PTCHD4: variants seen among roughly 807,000 people sequenced by gnomAD.
PTCHD4 encodes patched domain-containing protein 4.
Under a neutral mutation model 58.1 loss-of-function variants are expected in PTCHD4, and 33 were observed. The ratio of observed to expected loss-of-function variants is 0.57; its 90% CI spans 0.43 to 0.76. The LOEUF is 0.76. Among genes scored for constraint, PTCHD4 ranks in the 30% least tolerant of loss-of-function variants. The pLI, the probability that PTCHD4 is intolerant of heterozygous loss-of-function variation, is 0.00. For synonymous variants in PTCHD4, 478 were observed against 409.6 expected (o/e 1.17, Z -2.02); for missense variants, 1,058 against 1,027.1 (o/e 1.03, Z -0.41).
chr6:47,895,877 T>C (rs1052730026), intron 4 of PTCHD4, among the ~76,000 whole-genome samples: 1 of 152,096 alleles, frequency 6.6e-6, no homozygotes, highest in African/African-American at 2.4e-5. Flanking sequence ...ACTTTAACTT[T>C]TACTCAGATG....
At chr6:48,099,915 C>T (rs1298636550) in intron 1 of PTCHD4, among the ~76,000 whole-genome samples, 1 of 152,164 alleles carries the variant, frequency 6.6e-6, no homozygotes, top group Admixed American at 6.5e-5. Flanking sequence ...TGGAAATTCC[C>T]CATAAGCAAT....
chr6:47,982,638 G>A (rs1265298823), intron 4 of PTCHD4, among the ~76,000 whole-genome samples: 1 of 151,972 alleles, frequency 6.6e-6, no homozygotes, highest in Non-Finnish European at 1.5e-5. Context: ...ACAGGCGCCC[G>A]CCACCAGGCC....
intron 4 of PTCHD4, among the ~76,000 whole-genome samples, chr6:47,993,731 C>A (rs1233022776): frequency 6.6e-6 from 1 of 151,820 alleles, no homozygotes; most frequent in Non-Finnish European, 1.5e-5. Flanking sequence ...GACCTTAGGG[C>A]AGGACTTCAG....
intron 1 of PTCHD4, among the ~76,000 whole-genome samples, chr6:48,090,454 T>C (rs1765342718): frequency 6.6e-6 from 1 of 152,182 alleles, no homozygotes; most frequent in Admixed American, 6.6e-5. Context: ...ACAACAACAC[T>C]GTCAAGCAGA....
chr6:48,057,523 A>G (rs1393947670), intron 3 of PTCHD4, among the ~76,000 whole-genome samples: 1 of 152,218 alleles, frequency 6.6e-6, no homozygotes, highest in Non-Finnish European at 1.5e-5. Flanking sequence ...AGACTAAGGG[A>G]ACTACCTACC....
rs771443923 is a variant in PTCHD4, at chr6:47,858,701, G to C, written c.*19602C>G. 6.6e-6 allele frequency among the ~76,000 whole-genome samples: 1 copy of C among 152,010 alleles called. No individual in the cohort carries two copies. Among genetic ancestry groups the C allele is most frequent in the Non-Finnish European group, 1.5e-5 (1 of 67,968 alleles). ...TACACTGCACTAGCCATCTGAGTCA[G>C]AATTTCTGTGGGTGGAATAAATAAT... is the stretch of plus-strand genomic sequence containing the variant. On this transcript the variant is annotated 3_prime_UTR_variant, in exon 5 of 5. Transcript: ENST00000339488.
chr6:47,880,061 C>T, intron 4 of PTCHD4, 125 bp from the exon 5 acceptor site: 1 of 752,142 alleles, frequency 1.3e-6, no homozygotes, highest in Non-Finnish European at 2.0e-6. Context: ...CTGTGATCCT[C>T]CTATCAGGGC....
intron 3 of PTCHD4, among the ~76,000 whole-genome samples, chr6:48,026,478 C>T (rs1763249894): frequency 1.3e-5 from 2 of 152,080 alleles, no homozygotes; most frequent in Admixed American, 1.3e-4. Context: ...CCTTTCCCTT[C>T]CCATCAACTT....
intron 1 of PTCHD4, among the ~76,000 whole-genome samples, chr6:48,084,686 C>T (rs1464097325): frequency 1.3e-5 from 2 of 151,330 alleles, no homozygotes; most frequent in Admixed American, 1.3e-4. Flanking sequence ...CAAAACCGCT[C>T]AGTGTTTTAT....
rs1450780415 is a variant in PTCHD4, at chr6:47,864,431, T to C, written c.*13872A>G. ...TCTTTGCATTTACTCTCTATGTGTC[T>C]GGCACATAGAAGATGTTTAAAATTC... On this transcript the variant is annotated 3_prime_UTR_variant, in exon 5 of 5. Transcript: ENST00000339488. 6.6e-6 allele frequency among the ~76,000 whole-genome samples: 1 copy of C among 151,944 alleles called. No individual in the cohort carries two copies. Among genetic ancestry groups the C allele is most frequent in the Non-Finnish European group, 1.5e-5 (1 of 67,918 alleles).
At chr6:48,092,864 A>C (rs1471457766) in intron 1 of PTCHD4, among the ~76,000 whole-genome samples, 1 of 152,226 alleles carries the variant, frequency 6.6e-6, no homozygotes, top group Non-Finnish European at 1.5e-5. Flanking sequence ...TAGTTTTTGC[A>C]CGAACATATT....
intron 3 of PTCHD4, among the ~76,000 whole-genome samples, chr6:48,025,391 A>G (rs986393305): frequency 6.6e-6 from 1 of 152,212 alleles, no homozygotes; most frequent in African/African-American, 2.4e-5. Context: ...AAACAAAGCT[A>G]CAGGCACAAA....
At position 47,857,096 on chromosome 6, in the gene PTCHD4, T is replaced by C. The variant is rs751472892; in HGVS notation, c.*21207A>G. ...AATTTAGACACAAGAAATCATATTA[T>C]ATAGTATTGTCCCACCTAACAAAAA... On this transcript the variant is annotated 3_prime_UTR_variant, in exon 5 of 5. Coordinates refer to ENST00000339488, the MANE Select transcript of PTCHD4 (RefSeq NM_001384253.1). Among the ~76,000 whole-genome samples the C allele has an allele frequency of 3.3e-5, 5 of 152,024 alleles. No individual in the cohort carries two copies. The highest frequency in any genetic ancestry group is 7.4e-5 in the Non-Finnish European group (5 of 67,980).
At position 47,995,231 on chromosome 6, in the gene PTCHD4, C is replaced by A. The variant is rs891934397; in HGVS notation, c.898+13403G>T. Among the ~76,000 whole-genome samples, 25 of 152,126 alleles carry A rather than the reference C, an allele frequency of 1.6e-4. 1 individual carries two copies. Among genetic ancestry groups the A allele is most frequent in the African/African-American group, 6.0e-4 (25 of 41,446 alleles). On this transcript the variant is annotated intron_variant, in intron 4 of 4. Transcript: ENST00000339488. The stretch of plus-strand genomic sequence containing the variant: ...ATTCATCTTGGCAAAAGTTTACCAA[C>A]AAAAGGAGGTGGCCAACATGGAATG...
At position 47,926,149 on chromosome 6, in the gene PTCHD4, G is replaced by A. The variant is rs114113096; in HGVS notation, c.899-46213C>T. Among the ~76,000 whole-genome samples, 483 of 152,326 alleles carry A rather than the reference G, an allele frequency of 3.2e-3. 4 individuals carry two copies. The highest frequency in any genetic ancestry group is 0.011 in the African/African-American group (449 of 41,572). On this transcript the variant is annotated intron_variant, in intron 4 of 4. Coordinates refer to ENST00000339488, the MANE Select transcript of PTCHD4 (RefSeq NM_001384253.1). ...GCAATTGTCACAATCTTGACAGGGC[G>A]TTGGAGTAAAAGTCTCTCCTGGAGA...
At chr6:47,995,123 TAAAG>T (rs1314246035) in intron 4 of PTCHD4, among the ~76,000 whole-genome samples, 4 of 152,132 alleles carry the variant, frequency 2.6e-5, no homozygotes, top group Admixed American at 1.3e-4. Flanking sequence ...TTATAATAAA[TAAAG>T]AAAGGAGAAA....
At chr6:47,917,248 G>A (rs2113878076) in intron 4 of PTCHD4, among the ~76,000 whole-genome samples, 1 of 151,980 alleles carries the variant, frequency 6.6e-6, no homozygotes, top group East Asian at 1.9e-4. Flanking sequence ...AAGAATCAGA[G>A]TAAAAGAATT....
chr6:47,995,880 T>C (rs1309049876), intron 4 of PTCHD4, among the ~76,000 whole-genome samples: 1 of 152,198 alleles, frequency 6.6e-6, no homozygotes, highest in African/African-American at 2.4e-5. Flanking sequence ...ACACATTTAG[T>C]TCATGTCTAG....
At chr6:47,976,291 A>T (rs1182324184) in intron 4 of PTCHD4, among the ~76,000 whole-genome samples, 2 of 152,192 alleles carry the variant, frequency 1.3e-5, no homozygotes, top group African/African-American at 4.8e-5. Context: ...GGAATAAATT[A>T]TCCTATCTGC....
Sources: allele counts gnomAD v4.1 joint callset (sites outside exome capture counted in the v4.1 genomes callset), GRCh38; gene constraint gnomAD v4.1.1; transcripts MANE v1.5; gene names NCBI Gene and HGNC (gene_info 2026-07-23, HGNC 2026-07-21).